Variants in UGT2B4 observed in about 807,000 individuals in gnomAD.
UGT2B4 encodes the protein UDP glucuronosyltransferase family 2 member B4, also known as UDP-glucuronosyltransferase 2B4.
Under a neutral mutation model 49.8 loss-of-function variants are expected in UGT2B4, and 49 were observed. The ratio of observed to expected loss-of-function variants is 0.98; its 90% CI spans 0.78 to 1.25. UGT2B4 has a LOEUF of 1.25. UGT2B4 is among the 50% of genes most tolerant of loss of function. The pLI, the probability that UGT2B4 is intolerant of heterozygous loss-of-function variation, is 0.00. For synonymous variants in UGT2B4, 246 were observed against 217.7 expected (o/e 1.13, Z -1.14); for missense variants, 729 against 627.7 (o/e 1.16, Z -1.73).
Position 69,510,817 on chromosome 4 carries a change from T to C in UGT2B4, c.-105-14851A>G, listed in dbSNP as rs184793623. 9.2e-5 allele frequency among the ~76,000 whole-genome samples: 14 copies of C among 152,184 alleles called. No homozygotes were observed. In the East Asian group the frequency reaches 2.7e-3, roughly 29 times the overall value. On this transcript the variant is annotated intron_variant, in intron 1 of 1. Transcript: ENST00000510114. ...TATACTTTTATTTATTTTTATTGTC[T>C]AATGGTTTCAGCTGGTACTCCAGTA...
intron 1 of UGT2B4, among the ~76,000 whole-genome samples, chr4:69,509,249 G>A (rs1728550526): frequency 7.0e-6 from 1 of 141,946 alleles, no homozygotes; most frequent in Admixed American, 7.7e-5. Flanking sequence ...TCGGCTCACT[G>A]CAACCTCCGC....
chr4:69,489,562 T>C lies in UGT2B4; in HGVS notation c.879A>G (p.Glu293=), dbSNP rs1334612472. The change falls in exon 3 of 6, where the codon GAA becomes GAG. Residue 293 remains glutamate, a synonymous_variant. Transcript: ENST00000305107. Reference sequence around the variant, plus strand: ...TTTCTCCAGAGCTCTGGACAAACTCTTCCATTTCCTGTGAAAAAAAAGAAT... The same window carrying C: ...TTTCTCCAGAGCTCTGGACAAACTCCTCCATTTCCTGTGAAAAAAAAGAAT... The part of the protein sequence containing the change: ...KPAKPLPKEM[E]EFVQSSGENG... The C allele has an allele frequency of 1.2e-6, 2 of 1,604,804 alleles. No individual in the cohort carries two copies. The highest frequency in any genetic ancestry group is 1.7e-5 in the Admixed American group (1 of 57,362).
chr4:69,480,819 T>G lies in UGT2B4; in HGVS notation c.1402A>C (p.Met468Leu). Residue 468 changes from methionine (M) to leucine (L), a missense_variant, in exon 6 of 6, where the codon ATG (methionine) becomes CTG (leucine). Transcript: ENST00000305107. ...AGGTGCTTGGCTCCTTTATGGCGCA[T>G]GACAAATTCAATCCAGAAGACTGCT... ...DRAVFWIEFVMRHKGAKHLRV... is the reference protein window; with the variant it reads ...DRAVFWIEFVLRHKGAKHLRV... 2.5e-6 allele frequency: 4 copies of G among 1,613,868 alleles called. No individual in the cohort carries two copies. Among genetic ancestry groups the G allele is most frequent in the Non-Finnish European group, 3.4e-6 (4 of 1,179,826 alleles).
At chr4:69,486,798 A>G (rs1299564815) in intron 3 of UGT2B4, 102 bp from the exon 4 acceptor site, 1 of 843,886 alleles carries the variant, frequency 1.2e-6, no homozygotes, top group East Asian at 2.7e-5. Context: ...AAGGGATGTT[A>G]AGTAACAAGA....
Position 69,495,575 on chromosome 4 carries a change from C to T in UGT2B4, c.287G>A (p.Arg96Lys), listed in dbSNP as rs1728132858. ...TGTGTCTTTTGGAAGTTCTGCCCAT[C>T]TCTTAACCAGCTGCTTGATAATATC... Reference protein sequence around the residue: ...FEDIIKQLVKRWAELPKDTFW... With the variant: ...FEDIIKQLVKKWAELPKDTFW... The change falls in exon 1 of 6, where the codon AGA becomes AAA. Residue 96 changes from arginine to lysine, a missense_variant. Coordinates refer to ENST00000305107, the MANE Select transcript of UGT2B4 (RefSeq NM_021139.3). The T allele has an allele frequency of 6.2e-7, 1 of 1,613,800 alleles. No homozygotes were observed. The highest frequency in any genetic ancestry group is 1.3e-5 in the African/African-American group (1 of 74,918).
intron 1 of UGT2B4, among the ~76,000 whole-genome samples, chr4:69,514,407 T>G (rs1042724619): frequency 1.8e-4 from 27 of 152,182 alleles, no homozygotes; most frequent in African/African-American, 5.8e-4. Flanking sequence ...TTATGTCATG[T>G]GCAAATATGT....
At chr4:69,484,345 C>T (rs1158475621) in intron 5 of UGT2B4, among the ~76,000 whole-genome samples, 1 of 152,094 alleles carries the variant, frequency 6.6e-6, no homozygotes, top group East Asian at 1.9e-4. Flanking sequence ...TGTAGCAATG[C>T]TCCTAATAGC....
chr4:69,491,530 T>A (rs1356222962), intron 2 of UGT2B4, among the ~76,000 whole-genome samples: 1 of 152,084 alleles, frequency 6.6e-6, no homozygotes, highest in Non-Finnish European at 1.5e-5. Flanking sequence ...TATCTGAGAA[T>A]CTAATATTTA....
chr4:69,497,415 A>G (rs974677172), upstream of UGT2B4, among the ~76,000 whole-genome samples: 1 of 152,234 alleles, frequency 6.6e-6, no homozygotes, highest in Admixed American at 6.5e-5. Flanking sequence ...CTTCCTTCTC[A>G]GTGCCCTCCA....
intron 5 of UGT2B4, among the ~76,000 whole-genome samples, chr4:69,482,031 T>G (rs1727608729): frequency 6.6e-6 from 1 of 152,202 alleles, no homozygotes; most frequent in Admixed American, 6.5e-5. Flanking sequence ...GGCAAGCTCT[T>G]CTCCACTTTC....
chr4:69,521,408 C>T (rs1728846686), intron 1 of UGT2B4, among the ~76,000 whole-genome samples: 1 of 152,210 alleles, frequency 6.6e-6, no homozygotes, highest in African/African-American at 2.4e-5. Flanking sequence ...GGTGCCACCA[C>T]ATTCCCCTCA....
At chr4:69,525,363 G>A (rs1156741662) in intron 1 of UGT2B4, among the ~76,000 whole-genome samples, 2 of 152,086 alleles carry the variant, frequency 1.3e-5, no homozygotes, top group Non-Finnish European at 2.9e-5. Flanking sequence ...GAGACTAGAA[G>A]AAATGCACAA....
rs530169773 is a variant in UGT2B4 at position 69,486,645 on chromosome 4, G to A, written c.1054C>T (p.Arg352Trp). 1.9e-5 allele frequency: 30 copies of A among 1,608,452 alleles called. No individual in the cohort carries two copies. The highest frequency in any genetic ancestry group is 5.1e-5 in the Admixed American group (3 of 58,590). ...NKPDTLGLNT[R>W]LYKWIPQNDL... ...TTCTGGGGTATCCACTTGTACAGCC[G>A]AGTATTGAGTCCTAAAGTATCTGGT... Residue 352 changes from arginine to tryptophan, a missense_variant, in exon 4 of 6, where the codon CGG becomes TGG. Physicochemically the swap from Arg to Trp is moderately radical, Grantham distance 101. Transcript: ENST00000305107.
At chr4:69,488,658 T>C (rs1727866540) in intron 3 of UGT2B4, among the ~76,000 whole-genome samples, 1 of 152,058 alleles carries the variant, frequency 6.6e-6, no homozygotes, top group East Asian at 1.9e-4. Context: ...TATTTCCTTC[T>C]GCTGCCTCCA....
intron 1 of UGT2B4, among the ~76,000 whole-genome samples, chr4:69,512,903 G>A (rs370828526): frequency 3.3e-5 from 5 of 151,976 alleles, no homozygotes; most frequent in Admixed American, 3.3e-4. Flanking sequence ...GTATGTTCGT[G>A]TTCTTTGCCC....
chr4:69,516,842 AGGT>A (rs1728746546), intron 1 of UGT2B4, among the ~76,000 whole-genome samples: 1 of 150,202 alleles, frequency 6.7e-6, no homozygotes, highest in African/African-American at 2.4e-5. Flanking sequence ...TCCTGACCTC[AGGT>A]GATTTGCCCG....
intron 1 of UGT2B4, among the ~76,000 whole-genome samples, chr4:69,520,769 G>A (rs893402332): frequency 1.6e-4 from 24 of 152,162 alleles, no homozygotes; most frequent in Non-Finnish European, 4.4e-5. Flanking sequence ...TCCTGCAGGT[G>A]CCCCTCGGTA....
intron 1 of UGT2B4, among the ~76,000 whole-genome samples, chr4:69,518,891 G>A (rs1333753895): frequency 6.6e-6 from 1 of 152,138 alleles, no homozygotes; most frequent in Non-Finnish European, 1.5e-5. Flanking sequence ...CAGTATTCCA[G>A]AGGAAAAATA....
At chr4:69,517,440 TAAAG>T (rs1272266321) in intron 1 of UGT2B4, among the ~76,000 whole-genome samples, 2 of 152,122 alleles carry the variant, frequency 1.3e-5, no homozygotes, top group African/African-American at 2.4e-5. Context: ...GTAGGCTAAT[TAAAG>T]AAAGAATCAA....
Sources: gnomAD v4.1 joint callset for allele counts (sites outside exome capture counted in the v4.1 genomes callset) on GRCh38, gnomAD v4.1.1 for gene constraint, MANE v1.5 for transcripts, NCBI Gene and HGNC (gene_info 2026-07-23, HGNC 2026-07-21) for gene names.